The following TMEM242 variants were observed in gnomAD, a reference collection of about 807,000 sequenced individuals.
The protein encoded by TMEM242 is transmembrane protein 242.
TMEM242 carries 10 observed loss-of-function variants against 18.2 expected under a neutral mutation model. The ratio of observed to expected loss-of-function variants is 0.55; its 90% CI spans 0.34 to 0.93. TMEM242 has a LOEUF of 0.93. Ranked by LOEUF, TMEM242 falls within the 40% of genes least tolerant of loss-of-function variation. The pLI, the probability that TMEM242 is intolerant of heterozygous loss-of-function variation, is 0.02. For missense variants in TMEM242, 186 were observed against 175.5 expected (o/e 1.06, Z -0.34); for synonymous variants, 57 against 69.9 (o/e 0.81, Z 0.92).
chr6:157,322,005 G>T (rs1457237262), intron 2 of TMEM242, among the ~76,000 whole-genome samples: 1 of 152,112 alleles, frequency 6.6e-6, no homozygotes, highest in Non-Finnish European at 1.5e-5. Flanking sequence ...GTATCGATAA[G>T]GCTTAAGTAT....
chr6:157,310,050 A>G (rs1777975933), intron 3 of TMEM242, among the ~76,000 whole-genome samples: 1 of 152,182 alleles, frequency 6.6e-6, no homozygotes, highest in African/African-American at 2.4e-5. Flanking sequence ...AATCATACCA[A>G]CTAGGAATTA....
At chr6:157,298,284 G>A (rs1777777291) in intron 3 of TMEM242, among the ~76,000 whole-genome samples, 1 of 152,164 alleles carries the variant, frequency 6.6e-6, no homozygotes. Flanking sequence ...ACTCAGTCAG[G>A]CTTTATTTTT....
chr6:157,301,502 G>A (rs1401080051), intron 3 of TMEM242, among the ~76,000 whole-genome samples: 1 of 152,086 alleles, frequency 6.6e-6, no homozygotes, highest in Admixed American at 6.5e-5. Flanking sequence ...AGTAGAGACA[G>A]GGTTTCACCA....
intron 3 of TMEM242, among the ~76,000 whole-genome samples, chr6:157,293,319 C>T (rs1777708670): frequency 6.6e-6 from 1 of 151,884 alleles, no homozygotes; most frequent in Non-Finnish European, 1.5e-5. Flanking sequence ...GAGTTTGAGT[C>T]CAGCCTGGGC....
intron 3 of TMEM242, among the ~76,000 whole-genome samples, chr6:157,314,829 T>C (rs1328067184): frequency 2.0e-5 from 3 of 152,260 alleles, no homozygotes; most frequent in South Asian, 4.1e-4. Flanking sequence ...AGTTTCACTT[T>C]AAGCATTTTA....
At chr6:157,295,676 T>C (rs1175046029) in intron 3 of TMEM242, among the ~76,000 whole-genome samples, 4 of 152,214 alleles carry the variant, frequency 2.6e-5, no homozygotes, top group Admixed American at 1.3e-4. Flanking sequence ...TTCTTTCCTC[T>C]AATTTCTCAA....
At chr6:157,311,237 T>G (rs587611989) in intron 3 of TMEM242, among the ~76,000 whole-genome samples, 2 of 114,580 alleles carry the variant, frequency 1.7e-5, no homozygotes, top group African/African-American at 3.5e-5. Flanking sequence ...CTCATCATAG[T>G]GTCCCAGTGT....
chr6:157,311,371 AGT>A (rs1778080197), intron 3 of TMEM242, among the ~76,000 whole-genome samples: 1 of 118,820 alleles, frequency 8.4e-6, no homozygotes, highest in African/African-American at 3.1e-5. Flanking sequence ...GCCTCATCAT[AGT>A]GTTCCAGTGT....
At chr6:157,310,481 C>G in intron 3 of TMEM242, among the ~76,000 whole-genome samples, 1 of 151,458 alleles carries the variant, frequency 6.6e-6, no homozygotes, top group African/African-American at 2.4e-5. Context: ...AGTGTGTGCT[C>G]ACCTAGCCTC....
rs988451138 is a variant in TMEM242, at chr6:157,323,414, T to G, written c.86A>C (p.Lys29Thr). ...GSTNDRLFLVKGGIFLGTVAA... is the reference protein window; with the variant it reads ...GSTNDRLFLVTGGIFLGTVAA... ...CACCTCACCACAGCACATCTTACCT[T>G]TAACCAGGAAAAGCCGGTCATTCGT... is the stretch of plus-strand genomic sequence containing the variant. Residue 29 changes from lysine to threonine, a missense_variant and splice_region_variant, in exon 1 of 4, where the codon AAA (lysine) becomes ACA (threonine). Coordinates refer to ENST00000400788, the MANE Select transcript of TMEM242 (RefSeq NM_018452.6). 2 of 1,614,018 alleles carry G rather than the reference T, an allele frequency of 1.2e-6. No individual in the cohort carries two copies. The highest frequency in any genetic ancestry group is 1.7e-6 in the Non-Finnish European group (2 of 1,179,928).
chr6:157,312,156 G>A (rs1554249143), intron 3 of TMEM242, among the ~76,000 whole-genome samples: 2 of 135,702 alleles, frequency 1.5e-5, no homozygotes, highest in African/African-American at 5.6e-5. Flanking sequence ...TCATCATAGT[G>A]TCCCAGTGTG....
intron 1 of TMEM242, 97 bp from the exon 2 acceptor site, chr6:157,322,902 G>A (rs1193631708): frequency 3.0e-6 from 3 of 1,000,306 alleles, no homozygotes; most frequent in African/African-American, 3.3e-5. Context: ...TACTATTCGA[G>A]TTACAATCAA....
At chr6:157,310,763 C>T (rs587717481) in intron 3 of TMEM242, among the ~76,000 whole-genome samples, 103 of 130,540 alleles carry the variant, frequency 7.9e-4, no homozygotes, top group African/African-American at 2.7e-3. Flanking sequence ...CACCCGGCCT[C>T]ATCATAGGGT....
intron 3 of TMEM242, among the ~76,000 whole-genome samples, chr6:157,316,078 T>C (rs1778384726): frequency 6.6e-6 from 1 of 152,234 alleles, no homozygotes; most frequent in African/African-American, 2.4e-5. Flanking sequence ...TGAGACTATT[T>C]GTATTTTCAA....
intron 2 of TMEM242, among the ~76,000 whole-genome samples, chr6:157,319,955 A>G (rs1167960003): frequency 6.6e-6 from 1 of 152,250 alleles, no homozygotes; most frequent in East Asian, 1.9e-4. Context: ...TCAATGAGTC[A>G]AGCCCGCAGA....
In TMEM242 at chr6:157,318,868, G is replaced by A. The variant is rs782578765; in HGVS notation, c.241C>T (p.Arg81Ter). The change falls in exon 3 of 4, where the codon CGA becomes TGA. Residue 81 changes from arginine (R) to a stop codon, truncating the protein, a stop_gained. Transcript: ENST00000400788. LOFTEE classifies it high-confidence loss of function. Reference sequence around the variant, plus strand: ...TACAGGGAGCCCCAGCCCAGAGCTCGCAAGGCAAGGGAAGACCCGCTTTCC... The same window carrying A: ...TACAGGGAGCCCCAGCCCAGAGCTCACAAGGCAAGGGAAGACCCGCTTTCC... ...LPESGSSLAL[R>*]ALGWGSLYAW... 8.7e-6 allele frequency: 14 copies of A among 1,612,984 alleles called. No homozygotes were observed. The highest frequency in any genetic ancestry group is 1.3e-5 in the African/African-American group (1 of 74,866).
At chr6:157,304,542 A>G (rs1250275203) in intron 3 of TMEM242, among the ~76,000 whole-genome samples, 2 of 150,126 alleles carry the variant, frequency 1.3e-5, no homozygotes, top group Non-Finnish European at 3.0e-5. Flanking sequence ...TGATGTGATC[A>G]GATTGCATTC....
intron 3 of TMEM242, among the ~76,000 whole-genome samples, chr6:157,313,368 C>T (rs1554249730): frequency 2.4e-5 from 3 of 126,778 alleles, no homozygotes; most frequent in Non-Finnish European, 1.6e-5. Context: ...CTGGCCTCAT[C>T]ATAGTGCCTC....
At chr6:157,304,623 G>A (rs1353410915) in intron 3 of TMEM242, among the ~76,000 whole-genome samples, 1 of 152,098 alleles carries the variant, frequency 6.6e-6, no homozygotes, top group Non-Finnish European at 1.5e-5. Flanking sequence ...CAATGACCAA[G>A]ATAAAGGAGG....
Sources: gnomAD v4.1 joint callset for allele counts (sites outside exome capture counted in the v4.1 genomes callset) on GRCh38, gnomAD v4.1.1 for gene constraint, MANE v1.5 for transcripts, NCBI Gene and HGNC (gene_info 2026-07-23, HGNC 2026-07-21) for gene names.